Variants in ZNF431 observed in about 807,000 individuals in gnomAD.
ZNF431 encodes the protein zinc finger protein 431.
ZNF431 carries 34 observed loss-of-function variants against 57.0 expected under a neutral mutation model. The observed-to-expected ratio is 0.60, with a 90% CI of 0.45 to 0.79. ZNF431 has a LOEUF of 0.79. Ranked by LOEUF, ZNF431 falls within the 30% of genes least tolerant of loss-of-function variation. The pLI, the probability that ZNF431 is intolerant of heterozygous loss-of-function variation, is 0.00. For synonymous variants in ZNF431, 207 were observed against 220.3 expected, an observed-to-expected ratio of 0.94 and a Z score of 0.54; for missense variants, 607 against 667.1, an observed-to-expected ratio of 0.91 and a Z score of 0.99.
rs1033406914 is a variant in ZNF431, at chr19:21,157,520, A to G, written c.97-8815A>G. 2.0e-5 allele frequency among the ~76,000 whole-genome samples: 3 copies of G among 149,284 alleles called. No homozygotes were observed. The East Asian group carries it at 5.9e-4, about 29-fold the overall frequency. ...GTCTTCTTTTGAAAAGCATCTGTTC[A>G]TGTTTTTTGCCTACTTTTTTTTCTT... On this transcript the variant is annotated intron_variant, in intron 2 of 4. Transcript: ENST00000311048.
intron 3 of ZNF431, among the ~76,000 whole-genome samples, chr19:21,166,745 T>C (rs1049610022): frequency 6.6e-6 from 1 of 152,216 alleles, no homozygotes; most frequent in African/African-American, 2.4e-5. Flanking sequence ...TCTTAAAATC[T>C]ATTTGCCATC....
chr19:21,172,286 G>T (rs997686612), intron 4 of ZNF431, among the ~76,000 whole-genome samples: 4 of 151,358 alleles, frequency 2.6e-5, no homozygotes, highest in Non-Finnish European at 5.9e-5. Context: ...AAATTAGCCA[G>T]ACATGGTGGT....
intron 2 of ZNF431, 46 bp downstream of exon 2, chr19:21,143,689 C>T (rs1278305364): frequency 6.8e-7 from 1 of 1,461,092 alleles, no homozygotes; most frequent in Non-Finnish European, 9.6e-7. Flanking sequence ...ACCCAGCTTT[C>T]ATTTCTTGGG....
In ZNF431 at chr19:21,187,306, G is replaced by A. The variant is rs1971397215; in HGVS notation, c.*3272G>A. 6.6e-6 allele frequency: 1 copy of A among 152,002 alleles called. No homozygotes were observed. Among genetic ancestry groups the A allele is most frequent in the East Asian group, 1.9e-4 (1 of 5,180 alleles). The allele number at this position is 152,002 out of a possible 1,614,324, so 9.4% of individuals were successfully genotyped here. ...AACTACAAAAATAGCCAGGCATGGT[G>A]GTGGGTGCCTGTAATCCCACTCGGG... On this transcript the variant is annotated 3_prime_UTR_variant, in exon 5 of 5. Transcript: ENST00000311048.
rs938865105 is a variant in ZNF431, at chr19:21,166,256, T to C, written c.97-79T>C. On this transcript the variant is annotated intron_variant, in intron 2 of 4. Coordinates refer to ENST00000311048, the MANE Select transcript of ZNF431 (RefSeq NM_133473.4). ...GAATCAGTTCTCTTTACTCTCTCAATTCACCTTAATTCAAATAATAAATTC... is the reference window on the plus strand; with the variant it reads ...GAATCAGTTCTCTTTACTCTCTCAACTCACCTTAATTCAAATAATAAATTC... The C allele has an allele frequency of 2.7e-5, 42 of 1,552,548 alleles. No individual in the cohort carries two copies. The African/African-American group carries it at 3.9e-4, about 14-fold the overall frequency.
intron 1 of ZNF431, among the ~76,000 whole-genome samples, chr19:21,143,163 G>A (rs1042367838): frequency 2.6e-5 from 4 of 151,950 alleles, no homozygotes; most frequent in African/African-American, 9.7e-5. Context: ...GTCTTTTAGT[G>A]TACTTTTCTA....
In ZNF431 at chr19:21,187,680, G is replaced by A. The variant is rs536706501; in HGVS notation, c.*3646G>A. 1 of 152,174 alleles carries A rather than the reference G, an allele frequency of 6.6e-6. No individual in the cohort carries two copies. 9.4% of individuals were successfully genotyped at this position (152,174 alleles called of 1,614,324 possible). ...TTGAACACGACAGGTGGAGGTTGCA[G>A]TGTGGCGAGATTGCACCATTGCACT... On this transcript the variant is annotated 3_prime_UTR_variant, in exon 5 of 5. Transcript: ENST00000311048.
In ZNF431 at chr19:21,166,363, T is replaced by C. The variant is rs769610322; in HGVS notation, c.125T>C (p.Ile42Thr). 1 of 1,613,380 alleles carries C rather than the reference T, an allele frequency of 6.2e-7. No homozygotes were observed. The highest frequency in any genetic ancestry group is 8.5e-7 in the Non-Finnish European group (1 of 1,179,860). Reference sequence around the variant, plus strand: ...ACATTGACATTTAGGGATGTGGCCATAGAATTCTCTCTGGAGGAGTGGGAA... The same window carrying C: ...ACATTGACATTTAGGGATGTGGCCACAGAATTCTCTCTGGAGGAGTGGGAA... The part of the protein sequence containing the change: ...KETLTFRDVA[I>T]EFSLEEWECL... Residue 42 changes from isoleucine (I) to threonine (T), a missense_variant, in exon 3 of 5, where the codon ATA (isoleucine) becomes ACA (threonine). Coordinates refer to ENST00000311048, the MANE Select transcript of ZNF431 (RefSeq NM_133473.4).
intron 2 of ZNF431, among the ~76,000 whole-genome samples, chr19:21,156,658 T>C (rs865985330): frequency 4.6e-5 from 7 of 150,946 alleles, no homozygotes; most frequent in African/African-American, 1.2e-4. Flanking sequence ...GATAATGGTC[T>C]CCAGCATCAT....
In ZNF431 at chr19:21,186,394, A is replaced by G. The variant is rs890203327; in HGVS notation, c.*2360A>G. 3 of 152,258 alleles carry G rather than the reference A, an allele frequency of 2.0e-5. No individual in the cohort carries two copies. The highest frequency in any genetic ancestry group is 6.5e-5 in the Admixed American group (1 of 15,290). 9.4% of individuals were successfully genotyped at this position (152,258 alleles called of 1,614,324 possible). On this transcript the variant is annotated 3_prime_UTR_variant, in exon 5 of 5. Coordinates refer to ENST00000311048, the MANE Select transcript of ZNF431 (RefSeq NM_133473.4). ...TTTTGATTCATATAGAGTTAAATAC[A>G]TGTTAGTCTAAAGACAAATCTTAGG...
At chr19:21,163,008 T>C (rs1469104351) in intron 2 of ZNF431, among the ~76,000 whole-genome samples, 1 of 152,182 alleles carries the variant, frequency 6.6e-6, no homozygotes, top group Non-Finnish European at 1.5e-5. Context: ...TTTTTAAAAA[T>C]GACAGAGAAA....
Position 21,187,016 on chromosome 19 carries a change from A to G in ZNF431, c.*2982A>G, listed in dbSNP as rs1220932485. The G allele has an allele frequency of 1.3e-5, 2 of 152,312 alleles. No individual in the cohort carries two copies. The highest frequency in any genetic ancestry group is 1.9e-4 in the East Asian group (1 of 5,178). The allele number at this position is 152,312 out of a possible 1,614,324, so 9.4% of individuals were successfully genotyped here. On this transcript the variant is annotated 3_prime_UTR_variant, in exon 5 of 5. Transcript: ENST00000311048. ...GTTTTTATATATAAATGTAGCAAAC[A>G]TATATTACAGTTTTCACTGTGTAAT...
In ZNF431 at chr19:21,191,121, C is replaced by G. The variant is rs563656159; in HGVS notation, c.*7087C>G. 2.0e-5 allele frequency: 3 copies of G among 152,016 alleles called. No individual in the cohort carries two copies. The highest frequency in any genetic ancestry group is 7.2e-5 in the African/African-American group (3 of 41,396). The allele number at this position is 152,016 out of a possible 1,614,324, so 9.4% of individuals were successfully genotyped here. On this transcript the variant is annotated 3_prime_UTR_variant, in exon 5 of 5. Coordinates refer to ENST00000311048, the MANE Select transcript of ZNF431 (RefSeq NM_133473.4). ...AGCTTTTTAATTTGAAGTGATCTGA[C>G]TTATTTTTCCTTTTGTGTCCTGGGA...
rs1294252534 is a variant in ZNF431, at chr19:21,154,814, C to T, written c.96+11171C>T. Among the ~76,000 whole-genome samples the T allele has an allele frequency of 7.9e-5, 12 of 152,222 alleles. No homozygotes were observed. In the East Asian group the frequency reaches 2.3e-3, roughly 29 times the overall value. On this transcript the variant is annotated intron_variant, in intron 2 of 4. Coordinates refer to ENST00000311048, the MANE Select transcript of ZNF431 (RefSeq NM_133473.4). Reference sequence around the variant, plus strand: ...CATGTATCTGTTGGCTGCATAAATGCCTTCTTTTGAGAAGTGTCTGTTCAT... The same window carrying T: ...CATGTATCTGTTGGCTGCATAAATGTCTTCTTTTGAGAAGTGTCTGTTCAT...
At chr19:21,144,157 T>C (rs1400742072) in intron 2 of ZNF431, among the ~76,000 whole-genome samples, 2 of 152,154 alleles carry the variant, frequency 1.3e-5, no homozygotes, top group Non-Finnish European at 2.9e-5. Context: ...TTGACCTCAC[T>C]TTTTTAGCTG....
chr19:21,183,711 A>G lies in ZNF431; in HGVS notation c.1408A>G (p.Ile470Val), dbSNP rs753277995. The G allele has an allele frequency of 1.4e-5, 22 of 1,613,624 alleles. No homozygotes were observed. Among genetic ancestry groups the G allele is most frequent in the African/African-American group, 4.0e-5 (3 of 74,896 alleles). The stretch of plus-strand genomic sequence containing the variant: ...TGGCAAAGCTTTTAGCCAGTCATCA[A>G]TCCTTACTACACATAAGAGAATTCA... The part of the protein sequence containing the change: ...ECGKAFSQSS[I>V]LTTHKRIHTG... The change falls in exon 5 of 5, where the codon ATC becomes GTC. Residue 470 changes from isoleucine to valine, a missense_variant. Physicochemically the swap from Ile to Val is conservative, Grantham distance 29 (BLOSUM62 3). Coordinates refer to ENST00000311048, the MANE Select transcript of ZNF431 (RefSeq NM_133473.4).
chr19:21,145,372 G>C (rs1306332682), intron 2 of ZNF431, among the ~76,000 whole-genome samples: 1 of 152,222 alleles, frequency 6.6e-6, no homozygotes, highest in African/African-American at 2.4e-5. Context: ...GCTTACTCGG[G>C]AGGCTGAGGC....
chr19:21,169,936 G>A, intron 4 of ZNF431: 2 of 398,314 alleles, frequency 5.0e-6, no homozygotes, highest in South Asian at 1.3e-4. Context: ...CAGGTCTCTG[G>A]AAGGGCAGGA....
At position 21,192,307 on chromosome 19, in the gene ZNF431, T is replaced by C. The variant is rs1402459849; in HGVS notation, c.*8273T>C. 1 of 152,204 alleles carries C rather than the reference T, an allele frequency of 6.6e-6. No homozygotes were observed. The highest frequency in any genetic ancestry group is 1.5e-5 in the Non-Finnish European group (1 of 68,052). The allele number at this position is 152,204 out of a possible 1,614,324, so 9.4% of individuals were successfully genotyped here. A position where few individuals can be genotyped will look rare whatever the true frequency, so the allele number is the denominator to read the frequency against. ...CCTCAGCTTCCTAAGTAGCTGAAAC[T>C]ACAGGCGCCTCCTACTACACCCAGC... On this transcript the variant is annotated 3_prime_UTR_variant, in exon 5 of 5. Coordinates refer to ENST00000311048, the MANE Select transcript of ZNF431 (RefSeq NM_133473.4).
Sources: allele counts gnomAD v4.1 joint callset (sites outside exome capture counted in the v4.1 genomes callset), GRCh38; gene constraint gnomAD v4.1.1; transcripts MANE v1.5; gene names NCBI Gene and HGNC (gene_info 2026-07-23, HGNC 2026-07-21).